EMSY: variants seen among roughly 807,000 people sequenced by gnomAD.
EMSY encodes the protein BRCA2-interacting transcriptional repressor EMSY.
Under a neutral mutation model 134.6 loss-of-function variants are expected in EMSY, and 26 were observed. The ratio of observed to expected loss-of-function variants is 0.19; its 90% confidence interval spans 0.14 to 0.27. The LOEUF (loss-of-function observed/expected upper bound fraction) is 0.27. Ranked by LOEUF, EMSY falls within the 10% of genes least tolerant of loss-of-function variation. The pLI is 1.00. For synonymous variants in EMSY, 579 were observed against 577.8 expected (o/e 1.00, Z -0.03); for missense variants, 1,305 against 1,611.4 (o/e 0.81, Z 3.26).
intron 9 of EMSY, among the ~76,000 whole-genome samples, chr11:76,509,525 CA>C (rs990641074): frequency 6.6e-6 from 1 of 151,876 alleles, no homozygotes; most frequent in African/African-American, 2.4e-5. Context: ...AACAGACAAA[CA>C]AAAAAACACA....
chr11:76,449,542 A>T (rs1365126698), intron 2 of EMSY, among the ~76,000 whole-genome samples: 2 of 152,240 alleles, frequency 1.3e-5, no homozygotes, highest in East Asian at 3.9e-4. Flanking sequence ...TTTTTCTCAA[A>T]CTATTCCCTC....
chr11:76,458,111 GT>G, intron 4 of EMSY, 71 bp from the exon 6 acceptor site: 1 of 1,411,694 alleles, frequency 7.1e-7, no homozygotes, highest in Non-Finnish European at 9.5e-7. Context: ...AGTTATATAT[GT>G]TTGAGCATAT....
At chr11:76,471,751 T>C (rs1439667069) in intron 7 of EMSY, among the ~76,000 whole-genome samples, 1 of 152,204 alleles carries the variant, frequency 6.6e-6, no homozygotes, top group Non-Finnish European at 1.5e-5. Flanking sequence ...ACTGTCAACA[T>C]GCTCTTACAT....
intron 20 of EMSY, 34 bp from the exon 22 acceptor site, chr11:76,549,918 T>C (rs761318672): frequency 6.6e-7 from 1 of 1,505,470 alleles, no homozygotes; most frequent in South Asian, 1.3e-5. Flanking sequence ...TACCTTTTCT[T>C]ACCATAAAGA....
chr11:76,461,069 G>T (rs868669167), intron 6 of EMSY: 1 of 152,174 alleles, frequency 6.6e-6, no homozygotes, highest in African/African-American at 2.4e-5. Context: ...TTTGGGTGAG[G>T]ATCTTATGCT....
intron 5 of EMSY, chr11:76,459,127 A>T (rs371782423): frequency 6.6e-5 from 10 of 152,308 alleles, no homozygotes; most frequent in African/African-American, 1.7e-4. Flanking sequence ...GCCTCCATCG[A>T]GTTCTTCCAT....
rs1013923189 is a variant in EMSY at position 76,460,249 on chromosome 11, A to G, written c.571+164A>G. 104 of 789,834 alleles carry G rather than the reference A, an allele frequency of 1.3e-4. No individual in the cohort carries two copies. The East Asian group carries it at 2.2e-3, about 16-fold the overall frequency. 48.9% of individuals were successfully genotyped at this position (789,834 alleles called of 1,614,324 possible). A position where few individuals can be genotyped will look rare whatever the true frequency, so the allele number is the denominator to read the frequency against. ...CCTTTCTTTACATATGACTAGGTATATATTGCTTTTTTAATCAGTTCTGGG... is the reference window on the plus strand; with the variant it reads ...CCTTTCTTTACATATGACTAGGTATGTATTGCTTTTTTAATCAGTTCTGGG... On this transcript the variant is annotated intron_variant, in intron 6 of 20. Transcript: ENST00000334736.
intron 8 of EMSY, among the ~76,000 whole-genome samples, chr11:76,485,237 CACA>C (rs1361858726): frequency 6.6e-6 from 1 of 152,034 alleles, no homozygotes; most frequent in Non-Finnish European, 1.5e-5. Context: ...CCAGCAGAGA[CACA>C]ACAACAAGAA....
At chr11:76,472,459 T>C in intron 7 of EMSY, 105 bp from the exon 9 acceptor site, 1 of 1,123,196 alleles carries the variant, frequency 8.9e-7, no homozygotes, top group Non-Finnish European at 1.2e-6. Flanking sequence ...GAATTGCTTC[T>C]TCGTTTTTCA....
In EMSY at chr11:76,499,275, C is replaced by CT. The variant is rs777778051; in HGVS notation, c.1363+2836dup. Among the ~76,000 whole-genome samples the CT allele has an allele frequency of 9.9e-3, 691 of 70,020 alleles. 75 individuals carry two copies. Among genetic ancestry groups the CT allele is most frequent in the East Asian group, 0.017 (38 of 2,246 alleles). The allele number at this position is 70,020 out of a possible 152,430, so 45.9% of individuals were successfully genotyped here. On this transcript the variant is annotated intron_variant, in intron 9 of 20. Coordinates refer to ENST00000334736, the Ensembl canonical transcript of EMSY. ...TGCATCTGGCCAACCAATCTTATAA[C>CT]TTTTTTTTTTTTTTTTTTTTTTTTT...
At position 76,459,917 on chromosome 11, in the gene EMSY, T is replaced by A; in HGVS notation, c.422-19T>A. 6.2e-7 allele frequency: 1 copy of A among 1,607,420 alleles called. No individual in the cohort carries two copies. ...TTGGTGAAAGTTAACAGCAAACTTT[T>A]TTATCGTTCCTTCAGTAGTGGTTTG... On this transcript the variant is annotated intron_variant, in intron 5 of 20. Coordinates refer to ENST00000334736, the Ensembl canonical transcript of EMSY.
intron 8 of EMSY, among the ~76,000 whole-genome samples, chr11:76,492,621 G>A (rs921104073): frequency 6.6e-6 from 1 of 152,220 alleles, no homozygotes; most frequent in Non-Finnish European, 1.5e-5. Flanking sequence ...CTGCAGAGAT[G>A]CTGCAGTGGG....
chr11:76,487,857 G>T (rs1490771060), intron 8 of EMSY, among the ~76,000 whole-genome samples: 1 of 152,194 alleles, frequency 6.6e-6, no homozygotes, highest in African/African-American at 2.4e-5. Flanking sequence ...TGATCCCAAA[G>T]ATTTTGGATA....
At position 76,513,547 on chromosome 11, in the gene EMSY, T is replaced by G. The variant is rs1243744011; in HGVS notation, c.1513+12T>G. 2.5e-6 allele frequency: 4 copies of G among 1,612,000 alleles called. No homozygotes were observed. In the East Asian group the frequency reaches 6.7e-5, roughly 27 times the overall value. The stretch of plus-strand genomic sequence containing the variant: ...AACCACTCCTACTGGTAAGTTCTCT[T>G]GAGCATCAGTTCATTTATTCATCAT... On this transcript the variant is annotated intron_variant, in intron 10 of 20. Transcript: ENST00000334736.
exon 13 of EMSY, chr11:76,526,560 A>G: frequency 6.2e-7 from 1 of 1,613,918 alleles, no homozygotes. Context: ...AGCCAAAAGG[A>G]ATAGGTTCTA....
At chr11:76,552,393 A>C (rs570505214), downstream of EMSY, 10 of 152,344 alleles carry the variant, frequency 6.6e-5, no homozygotes, top group Middle Eastern at 3.4e-3. Context: ...ATTTTCAGAC[A>C]TCCCTTTACT....
At chr11:76,478,028 A>G (rs1948832584) in intron 8 of EMSY, among the ~76,000 whole-genome samples, 1 of 152,076 alleles carries the variant, frequency 6.6e-6, no homozygotes, top group African/African-American at 2.4e-5. Context: ...AGTTACTTCC[A>G]ATTACGTTGT....
At chr11:76,529,943 G>T (rs962361068) in intron 14 of EMSY, among the ~76,000 whole-genome samples, 1 of 151,930 alleles carries the variant, frequency 6.6e-6, no homozygotes, top group Non-Finnish European at 1.5e-5. Flanking sequence ...AGCAATACTG[G>T]CCTTTTTTGC....
intron 9 of EMSY, among the ~76,000 whole-genome samples, chr11:76,505,693 T>C (rs1201249492): frequency 2.0e-5 from 3 of 151,010 alleles, no homozygotes; most frequent in Non-Finnish European, 4.4e-5. Context: ...CCATCTCTAC[T>C]AAAAATACAA....
Sources: allele counts gnomAD v4.1 joint callset (sites outside exome capture counted in the v4.1 genomes callset), GRCh38; gene constraint gnomAD v4.1.1; transcripts MANE v1.5; gene names NCBI Gene and HGNC (gene_info 2026-07-23, HGNC 2026-07-21).